SLC22A23: variants seen among roughly 807,000 people sequenced by gnomAD.
The protein encoded by SLC22A23 is ion transporter protein.
SLC22A23 carries 26 observed loss-of-function variants against 61.0 expected under a neutral mutation model. The observed-to-expected ratio is 0.43, with a 90% CI of 0.31 to 0.59. The LOEUF is 0.59. Among genes scored for constraint, SLC22A23 ranks in the 20% least tolerant of loss-of-function variants. The pLI is 0.11. For missense variants in SLC22A23, 796 were observed against 934.7 expected, an observed-to-expected ratio of 0.85 and a Z score of 1.94; for synonymous variants, 430 against 413.9, an observed-to-expected ratio of 1.04 and a Z score of -0.47.
chr6:3,409,532 T>A (rs1469312526), intron 3 of SLC22A23, among the ~76,000 whole-genome samples: 3 of 152,166 alleles, frequency 2.0e-5, no homozygotes, highest in Non-Finnish European at 4.4e-5. Context: ...GACTAAAAAG[T>A]ATAAAGCCAG....
rs987266859 is a variant in SLC22A23, at chr6:3,277,612, CTG to C, written c.1704-4202_1704-4201del. Among the ~76,000 whole-genome samples the C allele has an allele frequency of 3.9e-5, 6 of 152,318 alleles. No individual in the cohort carries two copies. The South Asian group carries it at 8.3e-4, about 21-fold the overall frequency. ...CCGAAGACACATTCGCATTGCGTGT[CTG>C]TGTGTCTCTAATAGACACCAGATGT... On this transcript the variant is annotated intron_variant, in intron 9 of 9. Transcript: ENST00000406686.
intron 3 of SLC22A23, among the ~76,000 whole-genome samples, chr6:3,339,582 C>T (rs548055219): frequency 1.3e-5 from 2 of 152,274 alleles, no homozygotes; most frequent in Non-Finnish European, 2.9e-5. Flanking sequence ...AAAGACCTTA[C>T]TGATAAAACA....
At chr6:3,366,556 TTATTAG>T (rs1346306401) in intron 3 of SLC22A23, among the ~76,000 whole-genome samples, 1 of 152,064 alleles carries the variant, frequency 6.6e-6, no homozygotes, top group East Asian at 1.9e-4. Flanking sequence ...ACTTCTTCCT[TTATTAG>T]TATTATTACT....
At chr6:3,379,181 A>C (rs1766793664) in intron 3 of SLC22A23, among the ~76,000 whole-genome samples, 1 of 152,114 alleles carries the variant, frequency 6.6e-6, no homozygotes, top group African/African-American at 2.4e-5. Flanking sequence ...CTAGTCTCTG[A>C]TGTTGAGTCT....
chr6:3,399,469 A>G (rs1342368305), intron 3 of SLC22A23, among the ~76,000 whole-genome samples: 2 of 152,220 alleles, frequency 1.3e-5, no homozygotes, highest in African/African-American at 2.4e-5. Context: ...ACACAGCCAC[A>G]TCGCAAACAG....
chr6:3,445,203 TA>T (rs1771830659), intron 1 of SLC22A23, among the ~76,000 whole-genome samples: 1 of 151,886 alleles, frequency 6.6e-6, no homozygotes, highest in South Asian at 2.1e-4. Context: ...TGCCCCCCTT[TA>T]TTTTTTTTTT....
rs1758424909 is a variant in SLC22A23 at position 3,270,733 on chromosome 6, A to G, written c.*2322T>C. On this transcript the variant is annotated 3_prime_UTR_variant, in exon 10 of 10. Coordinates refer to ENST00000406686, the MANE Select transcript of SLC22A23 (RefSeq NM_015482.2). ...TTCGTTGGACCAGTTTTTTATTGTC[A>G]TTTGAGGTGGAGATCAGAGATCATG... 1 of 152,224 alleles carries G rather than the reference A, an allele frequency of 6.6e-6. No homozygotes were observed. The highest frequency in any genetic ancestry group is 2.4e-5 in the African/African-American group (1 of 41,390). 9.4% of individuals were successfully genotyped at this position (152,224 alleles called of 1,614,324 possible).
At chr6:3,436,056 C>T (rs115546086) in intron 1 of SLC22A23, among the ~76,000 whole-genome samples, 8 of 152,258 alleles carry the variant, frequency 5.3e-5, no homozygotes, top group Non-Finnish European at 1.0e-4. Context: ...GCTAATACAG[C>T]GTGAGAATGA....
rs549559657 is a variant in SLC22A23, at chr6:3,348,510, C to T, written c.914-24508G>A. Among the ~76,000 whole-genome samples the T allele has an allele frequency of 2.6e-5, 4 of 152,304 alleles. No homozygotes were observed. In the East Asian group the frequency reaches 7.7e-4, roughly 29 times the overall value. On this transcript the variant is annotated intron_variant, in intron 3 of 9. Coordinates refer to ENST00000406686, the MANE Select transcript of SLC22A23 (RefSeq NM_015482.2). ...GTCTTCTTACTGAGTCCCATCTGCA[C>T]CTAAGTGAGTGCACACTATAGAATC... is the stretch of plus-strand genomic sequence containing the variant.
chr6:3,289,658 G>T (rs1760386450), intron 6 of SLC22A23, 106 bp downstream of exon 6: 1 of 874,194 alleles, frequency 1.1e-6, no homozygotes, highest in Non-Finnish European at 1.8e-6. Flanking sequence ...ACACCCTTAG[G>T]ATTCCAAGTT....
intron 3 of SLC22A23, among the ~76,000 whole-genome samples, chr6:3,341,974 C>T (rs1419472444): frequency 6.6e-6 from 1 of 152,010 alleles, no homozygotes; most frequent in East Asian, 1.9e-4. Flanking sequence ...ATCTATATTT[C>T]GATTCATGGA....
chr6:3,373,533 T>C (rs1766357943), intron 3 of SLC22A23, among the ~76,000 whole-genome samples: 1 of 152,048 alleles, frequency 6.6e-6, no homozygotes, highest in South Asian at 2.1e-4. Flanking sequence ...TCTGGAGCAG[T>C]GCTTTGTGAG....
chr6:3,331,996 C>A (rs1293278602), intron 3 of SLC22A23, among the ~76,000 whole-genome samples: 1 of 152,224 alleles, frequency 6.6e-6, no homozygotes, highest in Non-Finnish European at 1.5e-5. Context: ...TTTTCTGGTG[C>A]TATCCATTCT....
rs139608066 is a variant in SLC22A23, at chr6:3,324,774, G to A, written c.914-772C>T. 6.6e-6 allele frequency among the ~76,000 whole-genome samples: 1 copy of A among 152,274 alleles called. No homozygotes were observed. Among genetic ancestry groups the A allele is most frequent in the East Asian group, 1.9e-4 (1 of 5,182 alleles). On this transcript the variant is annotated intron_variant, in intron 3 of 9. Coordinates refer to ENST00000406686, the MANE Select transcript of SLC22A23 (RefSeq NM_015482.2). This position sits in a 1 kb window ranked among gnomAD's most constrained non-coding sequence, Gnocchi z 4.3. Reference sequence around the variant, plus strand: ...CAAGGCCCATGTCTAATTCATCTTTGTAGCTCCAAAACCAAAAACAGTGTC... The same window carrying A: ...CAAGGCCCATGTCTAATTCATCTTTATAGCTCCAAAACCAAAAACAGTGTC...
At chr6:3,320,833 T>C (rs2127394878) in intron 4 of SLC22A23, among the ~76,000 whole-genome samples, 1 of 152,264 alleles carries the variant, frequency 6.6e-6, no homozygotes, top group East Asian at 1.9e-4. Flanking sequence ...ATAATAACAA[T>C]AGCAGTGACT....
intron 1 of SLC22A23, among the ~76,000 whole-genome samples, chr6:3,442,211 C>T (rs904172927): frequency 6.6e-6 from 1 of 152,034 alleles, no homozygotes; most frequent in African/African-American, 2.4e-5. Flanking sequence ...ATGAGGTACC[C>T]GGAGTAAGCA....
At position 3,283,685 on chromosome 6, in the gene SLC22A23, G is replaced by C. The variant is rs544435669; in HGVS notation, c.1703+167C>G. 9.3e-6 allele frequency: 11 copies of C among 1,185,672 alleles called. No homozygotes were observed. In the East Asian group the frequency reaches 2.9e-4, roughly 31 times the overall value. 73.4% of individuals were successfully genotyped at this position (1,185,672 alleles called of 1,614,324 possible). The stretch of plus-strand genomic sequence containing the variant: ...GCCAGGTTCTCACTGCCTCTTGGGC[G>C]CCTCGGGGTTGGGTCCAACAGCCAC... On this transcript the variant is annotated intron_variant, in intron 9 of 9. Transcript: ENST00000406686.
At chr6:3,418,327 T>C (rs554897524) in intron 1 of SLC22A23, among the ~76,000 whole-genome samples, 1 of 152,274 alleles carries the variant, frequency 6.6e-6, no homozygotes, top group East Asian at 1.9e-4. Flanking sequence ...TGCAAATGAG[T>C]ATATTATGCT....
intron 1 of SLC22A23, among the ~76,000 whole-genome samples, chr6:3,455,064 A>G (rs1209413617): frequency 1.3e-5 from 2 of 152,216 alleles, no homozygotes; most frequent in African/African-American, 4.8e-5. Context: ...ACAGCTGTCT[A>G]GGGGCATTGA....
Sources: gnomAD v4.1 joint callset for allele counts (sites outside exome capture counted in the v4.1 genomes callset) on GRCh38, gnomAD v4.1.1 for gene constraint, Gnocchi (gnomAD v3.1) non-coding constraint, MANE v1.5 for transcripts, NCBI Gene and HGNC (gene_info 2026-07-23, HGNC 2026-07-21) for gene names.